AGO3: variants seen among roughly 807,000 people sequenced by gnomAD.
AGO3 encodes argonaute RISC catalytic component 3, also known as protein argonaute-3.
AGO3 carries 16 observed loss-of-function variants against 105.5 expected under a neutral mutation model. The ratio of observed to expected loss-of-function variants is 0.15; its 90% CI spans 0.10 to 0.23. The LOEUF is 0.23. Ranked by LOEUF, AGO3 falls within the 10% of genes least tolerant of loss-of-function variation. The pLI is 1.00. For missense variants in AGO3, 534 were observed against 1,088.0 expected, an observed-to-expected ratio of 0.49 and a Z score of 7.16; for synonymous variants, 340 against 367.3, an observed-to-expected ratio of 0.93 and a Z score of 0.85.
At chr1:35,932,903 C>T (rs1646079902) in intron 1 of AGO3, among the ~76,000 whole-genome samples, 2 of 152,078 alleles carry the variant, frequency 1.3e-5, no homozygotes, top group Non-Finnish European at 1.5e-5. Flanking sequence ...AAAGATATTT[C>T]AAAAAAGTTT....
intron 11 of AGO3, among the ~76,000 whole-genome samples, chr1:36,022,713 C>T (rs1641293411): frequency 6.6e-6 from 1 of 151,844 alleles, no homozygotes; most frequent in Admixed American, 6.6e-5. Flanking sequence ...GGGTGGATTA[C>T]CTGAGGTCAG....
chr1:35,971,682 G>T (rs937084437), intron 3 of AGO3, among the ~76,000 whole-genome samples: 1 of 152,022 alleles, frequency 6.6e-6, no homozygotes, highest in African/African-American at 2.4e-5. Flanking sequence ...TTACACAAAA[G>T]ATGTCATAAT....
At chr1:35,980,957 A>G (rs934472497) in intron 5 of AGO3, among the ~76,000 whole-genome samples, 1 of 151,930 alleles carries the variant, frequency 6.6e-6, no homozygotes, top group Admixed American at 6.6e-5. Flanking sequence ...TGCTCATTGC[A>G]TTTTAGTCTT....
rs574593665 is a variant in AGO3 at position 36,017,418 on chromosome 1, C to T, written c.1406+3370C>T. ...TCAATAAGAAGTAGCAGCAGCTGCA[C>T]AGATACTTCTGTTTAGCCAGTAAGT... On this transcript the variant is annotated intron_variant, in intron 11 of 18. Transcript: ENST00000373191. Among the ~76,000 whole-genome samples, 44 of 152,300 alleles carry T rather than the reference C, an allele frequency of 2.9e-4. 1 individual carries two copies. The South Asian group carries it at 2.9e-3, about 10-fold the overall frequency.
At chr1:36,001,322 AACAC>A (rs374052685) in intron 5 of AGO3, among the ~76,000 whole-genome samples, 2 of 152,188 alleles carry the variant, frequency 1.3e-5, no homozygotes, top group African/African-American at 4.8e-5. Context: ...TACGTACACA[AACAC>A]ACACACGTGC....
Position 36,022,267 on chromosome 1 carries a change from A to T in AGO3, c.1407-4847A>T, listed in dbSNP as rs559651114. Among the ~76,000 whole-genome samples the T allele has an allele frequency of 1.4e-4, 21 of 151,838 alleles. 1 individual carries two copies. The South Asian group carries it at 4.2e-3, about 30-fold the overall frequency. ...TTTTTTGTAGAGACAAAATCTCACT[A>T]TGTTGCCCAGGCTAGTTTCAAACTC... On this transcript the variant is annotated intron_variant, in intron 11 of 18. Transcript: ENST00000373191.
chr1:36,018,424 G>T (rs1486054260), intron 11 of AGO3, among the ~76,000 whole-genome samples: 1 of 151,916 alleles, frequency 6.6e-6, no homozygotes. Flanking sequence ...TTCTCTGTGT[G>T]TGAGGGTTTT....
rs114839130 is a variant in AGO3, at chr1:36,046,203, G to C, written c.2274+2655G>C. Among the ~76,000 whole-genome samples, 7 of 152,186 alleles carry C rather than the reference G, an allele frequency of 4.6e-5. No individual in the cohort carries two copies. The East Asian group carries it at 1.4e-3, about 29-fold the overall frequency. On this transcript the variant is annotated intron_variant, in intron 17 of 18. Transcript: ENST00000373191. ...GCTGATACTGTGCTCCACCCACTGT[G>C]GTCCAAGCAGCTACTGCACTACTCC...
intron 14 of AGO3, among the ~76,000 whole-genome samples, chr1:36,036,969 T>G (rs898158605): frequency 9.9e-5 from 15 of 152,160 alleles, no homozygotes; most frequent in Non-Finnish European, 1.6e-4. Context: ...GTGCTGAGAT[T>G]ACAGGTGTGA....
intron 11 of AGO3, among the ~76,000 whole-genome samples, chr1:36,014,804 C>T (rs917806396): frequency 6.7e-6 from 1 of 150,004 alleles, no homozygotes; most frequent in Admixed American, 6.7e-5. Context: ...CTCAATAGTT[C>T]GGTGAAAAAA....
Position 35,937,412 on chromosome 1 carries a change from GC to G in AGO3, c.19+5969del, listed in dbSNP as rs200887688. On this transcript the variant is annotated intron_variant, in intron 1 of 18. Coordinates refer to ENST00000373191, the MANE Select transcript of AGO3 (RefSeq NM_024852.4). The stretch of plus-strand genomic sequence containing the variant: ...AAAAAAAAAAAAAAATTGTTTCCCA[GC>G]CGGATGTGGTGGCTCCCACCTGTAA... Among the ~76,000 whole-genome samples, 453 of 151,240 alleles carry G rather than the reference GC, an allele frequency of 3.0e-3. 21 individuals carry two copies. In the East Asian group the frequency reaches 0.081, roughly 27 times the overall value.
intron 5 of AGO3, among the ~76,000 whole-genome samples, chr1:35,998,175 T>C (rs759884701): frequency 1.3e-5 from 2 of 152,158 alleles, no homozygotes; most frequent in African/African-American, 2.4e-5. Context: ...CTAGATACAT[T>C]TTCCCCTAAA....
intron 12 of AGO3, among the ~76,000 whole-genome samples, chr1:36,029,824 CT>C (rs1403134191): frequency 6.6e-6 from 1 of 151,834 alleles, no homozygotes; most frequent in African/African-American, 2.4e-5. Flanking sequence ...TCCCTAGTAG[CT>C]GGGTCTATAG....
intron 3 of AGO3, among the ~76,000 whole-genome samples, chr1:35,967,773 A>G (rs1252923758): frequency 2.0e-5 from 3 of 152,192 alleles, no homozygotes; most frequent in Non-Finnish European, 4.4e-5. Context: ...TTGTACAGTT[A>G]TCAAGTTCAT....
At chr1:36,040,205 T>G (rs1642188572) in intron 15 of AGO3, 102 bp from the exon 16 acceptor site, 1 of 1,314,944 alleles carries the variant, frequency 7.6e-7, no homozygotes, top group Admixed American at 2.4e-5. Flanking sequence ...AGCTATAGAG[T>G]GGTGAAATTA....
intron 5 of AGO3, among the ~76,000 whole-genome samples, chr1:35,974,033 G>A (rs900234895): frequency 7.2e-5 from 11 of 152,054 alleles, no homozygotes; most frequent in Admixed American, 4.6e-4. Context: ...CTACCTTTGC[G>A]TAATCCGAGT....
At position 36,053,745 on chromosome 1, in the gene AGO3, A is replaced by ATTT. The variant is rs71034711; in HGVS notation, c.2275-1179_2275-1177dup. Among the ~76,000 whole-genome samples the ATTT allele has an allele frequency of 5.6e-3, 458 of 81,242 alleles. 18 individuals carry two copies. Among genetic ancestry groups the ATTT allele is most frequent in the African/African-American group, 0.012 (247 of 20,928 alleles). The allele number at this position is 81,242 out of a possible 152,430, so 53.3% of individuals were successfully genotyped here. A position where few individuals can be genotyped will look rare whatever the true frequency, so the allele number is the denominator to read the frequency against. ...AGGTCCACACCACCACACCTGGCTA[A>ATTT]TTTTTTTTTTTTTTTTTTTTTTTTG... On this transcript the variant is annotated intron_variant, in intron 17 of 18. Coordinates refer to ENST00000373191, the MANE Select transcript of AGO3 (RefSeq NM_024852.4).
chr1:35,944,819 G>GTT (rs200874710), intron 1 of AGO3, among the ~76,000 whole-genome samples: 1 of 151,386 alleles, frequency 6.6e-6, no homozygotes, highest in South Asian at 2.1e-4. Context: ...ATCTTTTTTT[G>GTT]TTTTTTTGTT....
intron 5 of AGO3, among the ~76,000 whole-genome samples, chr1:35,994,127 TG>T (rs1648025154): frequency 7.1e-6 from 1 of 140,644 alleles, no homozygotes; most frequent in African/African-American, 2.7e-5. Flanking sequence ...CATGGCTCAC[TG>T]CAGCCTCAAC....
Sources: gnomAD v4.1 joint callset for allele counts (sites outside exome capture counted in the v4.1 genomes callset) on GRCh38, gnomAD v4.1.1 for gene constraint, MANE v1.5 for transcripts, NCBI Gene and HGNC (gene_info 2026-07-23, HGNC 2026-07-21) for gene names.